The following TJP1 variants were observed in gnomAD, a reference collection of about 807,000 sequenced individuals.
The protein encoded by TJP1 is tight junction protein 1, also known as tight junction protein ZO-1.
Under a neutral mutation model 194.2 loss-of-function variants are expected in TJP1, and 43 were observed. The ratio of observed to expected loss-of-function variants is 0.22; its 90% CI spans 0.17 to 0.29. The LOEUF (loss-of-function observed/expected upper bound fraction) is 0.29, where lower values mean the gene tolerates loss of function less well. Among genes scored for constraint, TJP1 ranks in the 10% least tolerant of loss-of-function variants. The pLI is 1.00. For synonymous variants in TJP1, 801 were observed against 779.0 expected (o/e 1.03, Z -0.47); for missense variants, 1,971 against 2,185.7 (o/e 0.90, Z 1.96).
intron 1 of TJP1, chr15:29,968,562 G>A: frequency 1.2e-6 from 1 of 813,210 alleles, no homozygotes; most frequent in Non-Finnish European, 1.5e-6. Context: ...TCGCGGCCTC[G>A]CCCCCCGCCC....
chr15:29,776,945 T>C (rs759570793), intron 2 of TJP1, among the ~76,000 whole-genome samples: 145 of 152,296 alleles, frequency 9.5e-4, no homozygotes, highest in Non-Finnish European at 1.7e-3. Context: ...TGGAGAAATA[T>C]GTTTGTCAAA....
At chr15:29,835,214 T>C (rs1215743770) in intron 2 of TJP1, among the ~76,000 whole-genome samples, 1 of 152,242 alleles carries the variant, frequency 6.6e-6, no homozygotes, top group Non-Finnish European at 1.5e-5. Context: ...GTGCTTATTA[T>C]AAAACTATAT....
At chr15:29,900,720 A>C (rs1461983298) in intron 2 of TJP1, among the ~76,000 whole-genome samples, 2 of 152,242 alleles carry the variant, frequency 1.3e-5, no homozygotes, top group Non-Finnish European at 2.9e-5. Flanking sequence ...AGTGTACGGC[A>C]CATGGGCTTG....
chr15:29,815,465 A>G (rs2049847067), intron 1 of TJP1, among the ~76,000 whole-genome samples: 1 of 152,250 alleles, frequency 6.6e-6, no homozygotes, highest in Non-Finnish European at 1.5e-5. Context: ...TTTATTTAAC[A>G]TATCAAAACT....
chr15:29,760,272 C>A, intron 8 of TJP1: 1 of 702,182 alleles, frequency 1.4e-6, no homozygotes, highest in East Asian at 2.7e-5. Context: ...AGAGAAGGAT[C>A]ATAATTTTCT....
intron 2 of TJP1, among the ~76,000 whole-genome samples, chr15:29,789,756 A>G (rs2047949610): frequency 6.6e-6 from 1 of 152,200 alleles, no homozygotes; most frequent in South Asian, 2.1e-4. Context: ...AATACAGAGT[A>G]TCTATACTCC....
rs143250112 is a variant in TJP1, at chr15:29,962,876, C to T, written c.173+5791G>A. Among the ~76,000 whole-genome samples the T allele has an allele frequency of 4.2e-3, 647 of 152,280 alleles. 7 individuals are homozygous for T. Among genetic ancestry groups the T allele is most frequent in the African/African-American group, 0.015 (606 of 41,572 alleles). ...ATTGTGGGCTGGGCACAGTGGCTCA[C>T]GCCTGTTATCCCAGCACTTTGGGAG... On this transcript the variant is annotated intron_variant, in intron 1 of 28. Transcript: ENST00000356107.
At chr15:29,732,896 A>G in intron 13 of TJP1, 81 bp from the exon 14 acceptor site, 3 of 1,362,130 alleles carry the variant, frequency 2.2e-6, no homozygotes, top group Non-Finnish European at 3.0e-6. Flanking sequence ...TGAAATATAC[A>G]ATACTGGATG....
chr15:29,803,007 G>C (rs1347492662), intron 1 of TJP1, among the ~76,000 whole-genome samples: 1 of 152,172 alleles, frequency 6.6e-6, no homozygotes, highest in East Asian at 1.9e-4. Context: ...AACATTAAGG[G>C]GGGAGCAGGT....
At chr15:29,792,510 T>C (rs2048159378) in intron 2 of TJP1, among the ~76,000 whole-genome samples, 1 of 152,194 alleles carries the variant, frequency 6.6e-6, no homozygotes, top group Admixed American at 6.5e-5. Flanking sequence ...TGAAGTCACA[T>C]AATGTATGTA....
Position 29,778,375 on chromosome 15 carries a change from AG to A in TJP1, c.85-5019del, listed in dbSNP as rs1365876516. Among the ~76,000 whole-genome samples the A allele has an allele frequency of 1.3e-4, 20 of 152,142 alleles. No homozygotes were observed. In the East Asian group the frequency reaches 2.7e-3, roughly 21 times the overall value. On this transcript the variant is annotated intron_variant, in intron 2 of 27. Transcript: ENST00000614355. ...CCCCAGGTGATTCTAATGAGCAGCC[AG>A]GAACGAGAGCTGCAGCTTTCAATGT...
At chr15:29,853,190 T>A (rs913816338) in intron 2 of TJP1, among the ~76,000 whole-genome samples, 4 of 152,216 alleles carry the variant, frequency 2.6e-5, no homozygotes, top group African/African-American at 9.6e-5. Context: ...TTATAGAACA[T>A]TTTAAAGTGA....
chr15:29,876,013 T>C (rs1167899442), intron 2 of TJP1, among the ~76,000 whole-genome samples: 1 of 152,192 alleles, frequency 6.6e-6, no homozygotes, highest in Non-Finnish European at 1.5e-5. Context: ...TAATTAAAAT[T>C]AGATAAAATT....
At chr15:29,887,252 A>G (rs1027123081) in intron 2 of TJP1, among the ~76,000 whole-genome samples, 2 of 148,236 alleles carry the variant, frequency 1.3e-5, no homozygotes, top group South Asian at 2.1e-4. Context: ...AATATATTGT[A>G]TATATATAAT....
intron 2 of TJP1, among the ~76,000 whole-genome samples, chr15:29,882,009 T>A (rs1006159137): frequency 3.9e-5 from 6 of 152,026 alleles, no homozygotes; most frequent in Admixed American, 6.6e-5. Flanking sequence ...GTTTCAAAAT[T>A]TGAAGTTTTT....
intron 1 of TJP1, among the ~76,000 whole-genome samples, chr15:29,820,159 C>CA (rs2050225767): frequency 7.4e-6 from 1 of 135,070 alleles, no homozygotes; most frequent in Non-Finnish European, 1.6e-5. Context: ...TTAATGTTGC[C>CA]TTTTTTTTTT....
At chr15:29,759,361 A>G (rs2045850601) in intron 8 of TJP1, 1 of 152,244 alleles carries the variant, frequency 6.6e-6, no homozygotes, top group Admixed American at 6.5e-5. Context: ...CAATTGACAA[A>G]TAAACATTGT....
At chr15:29,821,626 C>G (rs2050355165) in intron 1 of TJP1, 1 of 152,496 alleles carries the variant, frequency 6.6e-6, no homozygotes, top group Admixed American at 6.5e-5. Context: ...CAAGCCCCGA[C>G]CCGCTGAGAG....
At chr15:29,787,507 G>A (rs1180789667) in intron 2 of TJP1, among the ~76,000 whole-genome samples, 2 of 152,060 alleles carry the variant, frequency 1.3e-5, no homozygotes, top group Non-Finnish European at 2.9e-5. Flanking sequence ...GCATTCTTTA[G>A]CCATCATCTC....
Sources: gnomAD v4.1 joint callset for allele counts (sites outside exome capture counted in the v4.1 genomes callset) on GRCh38, gnomAD v4.1.1 for gene constraint, MANE v1.5 for transcripts, NCBI Gene and HGNC (gene_info 2026-07-23, HGNC 2026-07-21) for gene names.